Variants in AGAP1 observed in about 807,000 individuals in gnomAD.
The protein encoded by AGAP1 is arf-GAP with GTPase, ANK repeat and PH domain-containing protein 1.
AGAP1 carries 29 observed loss-of-function variants against 105.3 expected under a neutral mutation model. That is an observed-to-expected ratio of 0.28 (90% CI 0.21 to 0.38). AGAP1 has a LOEUF of 0.38. Ranked by LOEUF, AGAP1 falls within the 10% of genes least tolerant of loss-of-function variation. The probability of loss-of-function intolerance (pLI) is 1.00; values close to 1 mark genes in which losing one functional copy is unlikely to be tolerated. For synonymous variants in AGAP1, 509 were observed against 485.9 expected, an observed-to-expected ratio of 1.05 and a Z score of -0.63; for missense variants, 998 against 1,165.1, an observed-to-expected ratio of 0.86 and a Z score of 2.09.
rs1176514582 is a variant in AGAP1, at chr2:235,906,669, C to G, written c.1156-2069C>G. The stretch of plus-strand genomic sequence containing the variant: ...CGGGAAGGTCTACATTGTCACACCC[C>G]AGGCTCACCCACCTGACCATGGTTG... On this transcript the variant is annotated intron_variant, in intron 10 of 17. Transcript: ENST00000304032. The surrounding 1 kb of genome is among the most constrained non-coding windows in gnomAD (Gnocchi z 5.3). Among the ~76,000 whole-genome samples, 1 of 150,464 alleles carries G rather than the reference C, an allele frequency of 6.6e-6. No individual in the cohort carries two copies. The highest frequency in any genetic ancestry group is 1.5e-5 in the Non-Finnish European group (1 of 68,038).
At position 235,799,540 on chromosome 2, in the gene AGAP1, G is replaced by T. The variant is rs939001308; in HGVS notation, c.957+18G>T. Reference sequence around the variant, plus strand: ...TGTTCACCGTGAGTGTCAACCCTGGGTGGAGATTTGAATGCGATTCCGAAG... The same window carrying T: ...TGTTCACCGTGAGTGTCAACCCTGGTTGGAGATTTGAATGCGATTCCGAAG... On this transcript the variant is annotated intron_variant, in intron 8 of 17. Transcript: ENST00000304032. This position sits in a 1 kb window ranked among gnomAD's most constrained non-coding sequence, Gnocchi z 5.0. The T allele has an allele frequency of 1.9e-6, 3 of 1,610,934 alleles. No individual in the cohort carries two copies. Among genetic ancestry groups the T allele is most frequent in the Non-Finnish European group, 2.5e-6 (3 of 1,177,524 alleles).
In AGAP1 at chr2:235,671,441, C is replaced by A. The variant is rs531275449; in HGVS notation, c.164-37738C>A. Among the ~76,000 whole-genome samples the A allele has an allele frequency of 2.0e-5, 3 of 152,276 alleles. No homozygotes were observed. In the East Asian group the frequency reaches 5.8e-4, roughly 30 times the overall value. ...GGAGCCGAGGCTCGCCGGTCGCCGC[C>A]GCACAGGTGCGGCTGCCTGGATGGG... On this transcript the variant is annotated intron_variant, in intron 1 of 17. Transcript: ENST00000304032.
intron 1 of AGAP1, among the ~76,000 whole-genome samples, chr2:235,676,131 T>C (rs1259623025): frequency 6.6e-6 from 1 of 152,240 alleles, no homozygotes; most frequent in Non-Finnish European, 1.5e-5. Flanking sequence ...GCACAGTTCC[T>C]GTCTTCAGAG....
rs952589384 is a variant in AGAP1 at position 235,917,165 on chromosome 2, T to TC, written c.1324+8266dup. Among the ~76,000 whole-genome samples, 261 of 151,884 alleles carry TC rather than the reference T, an allele frequency of 1.7e-3. 2 individuals carry two copies. The highest frequency in any genetic ancestry group is 6.1e-3 in the African/African-American group (252 of 41,416). ...GAATCCTTTCCCCTTCTCCTCTACA[T>TC]CCCCCCCTTCCCTACTTGAGGCCCC... On this transcript the variant is annotated intron_variant, in intron 11 of 17. Transcript: ENST00000304032.
chr2:235,681,314 A>G (rs1949059899), intron 1 of AGAP1, among the ~76,000 whole-genome samples: 1 of 151,978 alleles, frequency 6.6e-6, no homozygotes, highest in East Asian at 1.9e-4. Context: ...CGGCAATTTT[A>G]GCCCTTTTGA....
rs936547531 is a variant in AGAP1, at chr2:235,961,153, A to C, written c.1484-7309A>C. ...CTCATAGGGAAGATGTTCCGTAAAC[A>C]AAGAAACACGCATGGAGCATGTCAT... On this transcript the variant is annotated intron_variant, in intron 12 of 17. Transcript: ENST00000304032. This position sits in a 1 kb window ranked among gnomAD's most constrained non-coding sequence, Gnocchi z 5.9. Among the ~76,000 whole-genome samples the C allele has an allele frequency of 6.6e-6, 1 of 152,212 alleles. No homozygotes were observed. Among genetic ancestry groups the C allele is most frequent in the African/African-American group, 2.4e-5 (1 of 41,464 alleles).
intron 1 of AGAP1, among the ~76,000 whole-genome samples, chr2:235,592,469 T>G (rs940877947): frequency 1.3e-5 from 2 of 152,136 alleles, no homozygotes; most frequent in African/African-American, 4.8e-5. Context: ...TTCCAGGGTT[T>G]TGGAGGGCAG....
At chr2:235,738,767 A>T (rs1476384049) in intron 3 of AGAP1, among the ~76,000 whole-genome samples, 2 of 152,124 alleles carry the variant, frequency 1.3e-5, no homozygotes, top group Non-Finnish European at 2.9e-5. Context: ...CGTGTTGGTC[A>T]TGCTGGTCTT....
intron 9 of AGAP1, among the ~76,000 whole-genome samples, chr2:235,823,388 T>A (rs937049622): frequency 7.2e-5 from 11 of 152,238 alleles, no homozygotes; most frequent in African/African-American, 2.6e-4. Context: ...TCCTGCCTTA[T>A]CCTCTCCGAG....
chr2:235,518,744 C>T (rs1942498030), intron 1 of AGAP1, among the ~76,000 whole-genome samples: 1 of 152,208 alleles, frequency 6.6e-6, no homozygotes, highest in African/African-American at 2.4e-5. Context: ...TTTTAATCCT[C>T]AAAGTAATAA....
chr2:235,952,557 G>T (rs1451989232), intron 12 of AGAP1, among the ~76,000 whole-genome samples: 2 of 152,196 alleles, frequency 1.3e-5, no homozygotes, highest in East Asian at 3.9e-4. Context: ...TATAGAATTA[G>T]GATTGGATTA....
intron 9 of AGAP1, among the ~76,000 whole-genome samples, chr2:235,873,414 C>G (rs373557798): frequency 1.3e-5 from 2 of 152,168 alleles, no homozygotes; most frequent in African/African-American, 4.8e-5. Context: ...TCTGTCTCAT[C>G]GTACTTTTGA....
chr2:235,632,340 C>T (rs926514485), intron 1 of AGAP1, among the ~76,000 whole-genome samples: 2 of 152,300 alleles, frequency 1.3e-5, no homozygotes, highest in Middle Eastern at 3.4e-3. Context: ...TGGCTATCCT[C>T]GGGGTGCCTC....
chr2:235,999,041 A>G (rs893149410), intron 13 of AGAP1, among the ~76,000 whole-genome samples: 5 of 145,176 alleles, frequency 3.4e-5, no homozygotes, highest in African/African-American at 5.2e-5. Flanking sequence ...GGTACTGGTG[A>G]TGGCAAGAAT....
chr2:235,557,485 C>T lies in AGAP1; in HGVS notation c.163+62636C>T, dbSNP rs1049650127. On this transcript the variant is annotated intron_variant, in intron 1 of 17. Coordinates refer to ENST00000304032, the MANE Select transcript of AGAP1 (RefSeq NM_001037131.3). This position sits in a 1 kb window ranked among gnomAD's most constrained non-coding sequence, Gnocchi z 4.7. ...TCTGAGTTCATTCCGAAGATTCTGG[C>T]TTTTGAGAACTTATATAAAGAGAAC... Among the ~76,000 whole-genome samples the T allele has an allele frequency of 1.1e-4, 16 of 152,062 alleles. No individual in the cohort carries two copies. Among genetic ancestry groups the T allele is most frequent in the African/African-American group, 3.6e-4 (15 of 41,386 alleles).
At chr2:235,805,389 C>T (rs1957786495) in intron 8 of AGAP1, among the ~76,000 whole-genome samples, 1 of 152,072 alleles carries the variant, frequency 6.6e-6, no homozygotes, top group Non-Finnish European at 1.5e-5. Context: ...GCTGGGGGGA[C>T]AGATGAGCTG....
chr2:235,729,810 T>C lies in AGAP1; in HGVS notation c.311-11153T>C, dbSNP rs1385214825. On this transcript the variant is annotated intron_variant, in intron 3 of 17. Transcript: ENST00000304032. The surrounding 1 kb of genome is among the most constrained non-coding windows in gnomAD (Gnocchi z 5.0). ...CAAAGATGAGACTACAGCAGCGACT[T>C]GTCACCTCTTCCGTGTTGCTACTGC... Among the ~76,000 whole-genome samples the C allele has an allele frequency of 6.6e-6, 1 of 152,146 alleles. No individual in the cohort carries two copies. The highest frequency in any genetic ancestry group is 6.5e-5 in the Admixed American group (1 of 15,280).
chr2:235,899,305 G>A (rs1338488994), intron 10 of AGAP1, among the ~76,000 whole-genome samples: 2 of 152,150 alleles, frequency 1.3e-5, no homozygotes, highest in African/African-American at 4.8e-5. Context: ...TTGAGATCAG[G>A]CGTTCAAGGC....
rs1402011502 is a variant in AGAP1, at chr2:235,872,717, T to TG, written c.1051-10623dup. ...TGTCTGCGCGCTCAGCCCAGACCAG[T>TG]GGGGGCCACCTTAGTACCACTTCCT... is the stretch of plus-strand genomic sequence containing the variant. On this transcript the variant is annotated intron_variant, in intron 9 of 17. Transcript: ENST00000304032. The surrounding 1 kb of genome is among the most constrained non-coding windows in gnomAD (Gnocchi z 4.5). Among the ~76,000 whole-genome samples, 4 of 152,184 alleles carry TG rather than the reference T, an allele frequency of 2.6e-5. No individual in the cohort carries two copies. The highest frequency in any genetic ancestry group is 5.9e-5 in the Non-Finnish European group (4 of 68,022).
Sources: allele counts gnomAD v4.1 joint callset (sites outside exome capture counted in the v4.1 genomes callset), GRCh38; gene constraint gnomAD v4.1.1; non-coding constraint Gnocchi (gnomAD v3.1); transcripts MANE v1.5; gene names NCBI Gene and HGNC (gene_info 2026-07-23, HGNC 2026-07-21).